The following KLHDC10 variants were observed in gnomAD, a reference collection of about 807,000 sequenced individuals.
KLHDC10 encodes the protein kelch domain-containing protein 10.
In KLHDC10, 24 loss-of-function variants were observed where a neutral mutation model predicts 56.1. The observed-to-expected ratio is 0.43, with a 90% CI of 0.31 to 0.60. The LOEUF (loss-of-function observed/expected upper bound fraction) is 0.60, where lower values mean the gene tolerates loss of function less well. Among genes scored for constraint, KLHDC10 ranks in the 20% least tolerant of loss-of-function variants. The pLI is 0.11. For synonymous variants in KLHDC10, 188 were observed against 207.1 expected (o/e 0.91, Z 0.79); for missense variants, 349 against 567.0 (o/e 0.62, Z 3.91).
chr7:130,114,622 C>T (rs1026991333), intron 2 of KLHDC10, among the ~76,000 whole-genome samples: 1 of 152,132 alleles, frequency 6.6e-6, no homozygotes, highest in African/African-American at 2.4e-5. Context: ...CTGAGTTCTT[C>T]ATTTAAGGTA....
chr7:130,074,661 C>G (rs1203805238), intron 1 of KLHDC10, among the ~76,000 whole-genome samples: 1 of 150,012 alleles, frequency 6.7e-6, no homozygotes, highest in Non-Finnish European at 1.5e-5. Context: ...TGCTCTGTCA[C>G]CCAGGCTAGA....
intron 3 of KLHDC10, among the ~76,000 whole-genome samples, chr7:130,119,894 TGAGA>T (rs1345669557): frequency 1.3e-5 from 2 of 150,898 alleles, no homozygotes; most frequent in Non-Finnish European, 2.9e-5. Flanking sequence ...AGCACTATTT[TGAGA>T]GAGAGAAAGA....
chr7:130,075,337 T>G (rs1195402777), intron 1 of KLHDC10, among the ~76,000 whole-genome samples: 1 of 152,208 alleles, frequency 6.6e-6, no homozygotes, highest in African/African-American at 2.4e-5. Flanking sequence ...TTGGTAAAGC[T>G]GGGTAAAAAT....
intron 1 of KLHDC10, among the ~76,000 whole-genome samples, chr7:130,074,839 G>T (rs1398809129): frequency 6.6e-6 from 1 of 152,066 alleles, no homozygotes; most frequent in Non-Finnish European, 1.5e-5. Context: ...TCGAACTCCT[G>T]ATCTTGTGAT....
At chr7:130,074,920 C>A (rs1308294270) in intron 1 of KLHDC10, among the ~76,000 whole-genome samples, 9 of 152,062 alleles carry the variant, frequency 5.9e-5, no homozygotes, top group Non-Finnish European at 1.3e-4. Flanking sequence ...AAATCAGGTT[C>A]TTTAATGTAA....
chr7:130,113,467 G>A (rs1796128134), intron 2 of KLHDC10, among the ~76,000 whole-genome samples: 2 of 151,994 alleles, frequency 1.3e-5, no homozygotes, highest in Non-Finnish European at 2.9e-5. Context: ...CGAGTAGCTG[G>A]GATTACACCT....
intron 1 of KLHDC10, among the ~76,000 whole-genome samples, chr7:130,083,086 C>T (rs944105802): frequency 3.3e-5 from 5 of 152,200 alleles, no homozygotes; most frequent in African/African-American, 4.8e-5. Flanking sequence ...TGTTTGCCAG[C>T]AGCCTCTAGA....
At chr7:130,124,576 A>AT in intron 6 of KLHDC10, 41 bp downstream of exon 6, 2 of 1,033,822 alleles carry the variant, frequency 1.9e-6, no homozygotes, top group Non-Finnish European at 3.0e-6. Context: ...AGGGAGAAGG[A>AT]TAGAAGGAGG....
At chr7:130,072,342 T>A (rs1208747727) in intron 1 of KLHDC10, among the ~76,000 whole-genome samples, 3 of 152,196 alleles carry the variant, frequency 2.0e-5, no homozygotes. Flanking sequence ...GTGATGGCAG[T>A]GGAAGCCATG....
chr7:130,108,580 CGTGGTGGTGCGCGCCT>C (rs1032408093), intron 2 of KLHDC10, among the ~76,000 whole-genome samples: 1 of 135,310 alleles, frequency 7.4e-6, no homozygotes, highest in African/African-American at 2.9e-5. Flanking sequence ...AAAAGCTGGG[CGTGGTGGTGCGCGCCT>C]GTGGTCCCAG....
At chr7:130,088,257 C>T (rs1365667163) in intron 1 of KLHDC10, among the ~76,000 whole-genome samples, 3 of 151,606 alleles carry the variant, frequency 2.0e-5, no homozygotes, top group Admixed American at 1.3e-4. Context: ...AAAGTGAGTT[C>T]ATAAATAAAA....
At chr7:130,071,071 T>C (rs1186823720) in intron 1 of KLHDC10, among the ~76,000 whole-genome samples, 2 of 152,232 alleles carry the variant, frequency 1.3e-5, no homozygotes, top group Non-Finnish European at 2.9e-5. Context: ...CACTGTCTCA[T>C]TGACATTTCC....
intron 1 of KLHDC10, among the ~76,000 whole-genome samples, chr7:130,075,339 G>A (rs997215496): frequency 6.6e-6 from 1 of 151,946 alleles, no homozygotes; most frequent in Non-Finnish European, 1.5e-5. Flanking sequence ...GGTAAAGCTG[G>A]GTAAAAATAA....
chr7:130,095,679 G>A (rs2116869209), intron 1 of KLHDC10, among the ~76,000 whole-genome samples: 1 of 152,236 alleles, frequency 6.6e-6, no homozygotes, highest in Admixed American at 6.5e-5. Flanking sequence ...TACAAGTTCT[G>A]TAGTAAGCAA....
At chr7:130,110,625 A>G (rs928355400) in intron 2 of KLHDC10, among the ~76,000 whole-genome samples, 2 of 152,200 alleles carry the variant, frequency 1.3e-5, no homozygotes, top group African/African-American at 4.8e-5. Flanking sequence ...TAACTGGATC[A>G]AACTTCCTTG....
At chr7:130,104,600 T>TA (rs1159797292) in intron 2 of KLHDC10, among the ~76,000 whole-genome samples, 2 of 152,200 alleles carry the variant, frequency 1.3e-5, no homozygotes, top group East Asian at 3.8e-4. Context: ...GGGTACTTTA[T>TA]AAAGAAGAGG....
chr7:130,075,174 C>T (rs555470361), intron 1 of KLHDC10, among the ~76,000 whole-genome samples: 62 of 152,128 alleles, frequency 4.1e-4, no homozygotes, highest in African/African-American at 1.4e-3. Flanking sequence ...CTCAGGAGCG[C>T]GGGGTTCATG....
intron 2 of KLHDC10, among the ~76,000 whole-genome samples, chr7:130,115,008 G>C (rs888947932): frequency 6.6e-6 from 1 of 152,134 alleles, no homozygotes; most frequent in African/African-American, 2.4e-5. Flanking sequence ...CAGGTTGGAC[G>C]TGAGTGACTC....
intron 1 of KLHDC10, among the ~76,000 whole-genome samples, chr7:130,081,414 G>T (rs977699587): frequency 1.3e-5 from 2 of 152,082 alleles, no homozygotes; most frequent in African/African-American, 4.8e-5. Flanking sequence ...TGCCTCCCCG[G>T]TTCAAGCTAT....
Sources: gnomAD v4.1 joint callset for allele counts (sites outside exome capture counted in the v4.1 genomes callset) on GRCh38, gnomAD v4.1.1 for gene constraint, MANE v1.5 for transcripts, NCBI Gene and HGNC (gene_info 2026-07-23, HGNC 2026-07-21) for gene names.